VPS13C: variants seen among roughly 807,000 people sequenced by gnomAD.
VPS13C encodes vacuolar protein sorting 13 homolog C.
A neutral mutation model predicts 456.8 loss-of-function variants in VPS13C; 358 were observed. The ratio of observed to expected loss-of-function variants is 0.78; its 90% CI spans 0.72 to 0.86. The LOEUF is 0.86. Ranked by LOEUF, VPS13C falls within the 40% of genes least tolerant of loss-of-function variation. VPS13C has a pLI of 0.00. For missense variants in VPS13C, 4,818 were observed against 4,385.4 expected (o/e 1.10, Z -2.79); for synonymous variants, 1,578 against 1,486.7 (o/e 1.06, Z -1.41).
chr15:61,969,277 T>C (rs1346639875), intron 28 of VPS13C, 22 bp downstream of exon 28: 2 of 1,529,118 alleles, frequency 1.3e-6, no homozygotes, highest in African/African-American at 2.8e-5. Context: ...TAGGCTATTA[T>C]TTCTATTTTT....
intron 1 of VPS13C, among the ~76,000 whole-genome samples, chr15:62,048,102 TTTTTA>T (rs1391940494): frequency 1.3e-5 from 2 of 151,606 alleles, no homozygotes; most frequent in East Asian, 1.9e-4. Context: ...TCATTTTCTT[TTTTTA>T]TTTTATTATT....
Position 61,922,549 on chromosome 15 carries a change from T to G in VPS13C, c.6823A>C (p.Asn2275His). Residue 2275 changes from asparagine (N) to histidine (H), a missense_variant, in exon 54 of 85, where the codon AAT (asparagine) becomes CAT (histidine). By Grantham distance (68) the Asn-to-His change is moderately conservative. This residue lies in a region of VPS13C where 4,552 missense variants were observed against 4,130.6 expected (regional missense o/e 1.10). Transcript: ENST00000644861. Reference protein sequence around the residue: ...KGIEHSLIEENCGVVVESIQV... With the variant: ...KGIEHSLIEEHCGVVVESIQV... Reference sequence around the variant, plus strand: ...ATGGATTCTACAACAACACCACAATTTTCCTCTATCAGTGAATGTTCAATG... The same window carrying G: ...ATGGATTCTACAACAACACCACAATGTTCCTCTATCAGTGAATGTTCAATG... 1 of 1,614,072 alleles carries G rather than the reference T, an allele frequency of 6.2e-7. No homozygotes were observed. Among genetic ancestry groups the G allele is most frequent in the Non-Finnish European group, 8.5e-7 (1 of 1,179,960 alleles).
At chr15:62,016,485 T>C (rs1253074070) in intron 9 of VPS13C, among the ~76,000 whole-genome samples, 2 of 141,926 alleles carry the variant, frequency 1.4e-5, no homozygotes, top group Non-Finnish European at 3.0e-5. Flanking sequence ...AGTGTTCTCA[T>C]TGTTCAATTC....
At chr15:61,953,848 C>A (rs1450504426) in intron 38 of VPS13C, among the ~76,000 whole-genome samples, 1 of 152,142 alleles carries the variant, frequency 6.6e-6, no homozygotes, top group African/African-American at 2.4e-5. Flanking sequence ...GCACCCCAAG[C>A]TCCAATTAGT....
At chr15:61,922,114 G>C in intron 54 of VPS13C, 81 bp from the exon 55 acceptor site, 2 of 1,418,958 alleles carry the variant, frequency 1.4e-6, no homozygotes, top group Non-Finnish European at 2.0e-6. Flanking sequence ...AAATTATTAA[G>C]TAATCAATGT....
chr15:61,892,713 G>T (rs11634516), intron 66 of VPS13C, among the ~76,000 whole-genome samples: 85,365 of 152,016 alleles, frequency 0.56, 24,191 homozygotes, highest in Admixed American at 0.63. Flanking sequence ...GAATTCAAAG[G>T]AGCAATTCTA....
intron 81 of VPS13C, chr15:61,864,588 C>A: frequency 2.1e-6 from 2 of 970,038 alleles, no homozygotes; most frequent in Non-Finnish European, 2.5e-6. Context: ...AGAGAAATCA[C>A]ATTTGATATT....
At chr15:62,055,588 C>G (rs2048763860) in intron 1 of VPS13C, among the ~76,000 whole-genome samples, 1 of 151,828 alleles carries the variant, frequency 6.6e-6, no homozygotes, top group Non-Finnish European at 1.5e-5. Context: ...CCTATATATA[C>G]ATATATGAAT....
At chr15:62,046,356 T>C (rs1367398265) in intron 1 of VPS13C, among the ~76,000 whole-genome samples, 2 of 152,172 alleles carry the variant, frequency 1.3e-5, no homozygotes, top group Admixed American at 6.5e-5. Flanking sequence ...CATGGAAGAC[T>C]AGCATGTTCA....
chr15:61,918,192 C>T lies in VPS13C; in HGVS notation c.7704G>A (p.Glu2568=). 6.2e-7 allele frequency: 1 copy of T among 1,600,206 alleles called. No homozygotes were observed. Among genetic ancestry groups the T allele is most frequent in the South Asian group, 1.1e-5 (1 of 88,100 alleles). The change falls in exon 59 of 85, where the codon GAG becomes GAA. Residue 2568 remains glutamate, a synonymous_variant. Coordinates refer to ENST00000644861, the MANE Select transcript of VPS13C (RefSeq NM_020821.3). The part of the protein sequence containing the change: ...YKFVKNVKLL[E]RIGIARPEEE... ...CTTCAGGTCTGGCTATCCCAATGCG[C>T]TCCAATAGCTTAACATTCTTAACAA... is the stretch of plus-strand genomic sequence containing the variant.
At chr15:62,008,917 C>T (rs776584605) in intron 13 of VPS13C, among the ~76,000 whole-genome samples, 156 bp from the exon 14 acceptor site, 2 of 152,050 alleles carry the variant, frequency 1.3e-5, no homozygotes. Context: ...ATTTAAGATG[C>T]TATCAATTAC....
intron 30 of VPS13C, among the ~76,000 whole-genome samples, chr15:61,965,190 T>A (rs1024761010): frequency 1.3e-5 from 2 of 151,944 alleles, no homozygotes; most frequent in African/African-American, 4.8e-5. Context: ...CAATGGACAA[T>A]TATGATTATA....
intron 38 of VPS13C, among the ~76,000 whole-genome samples, chr15:61,953,816 A>C (rs2044888241): frequency 6.6e-6 from 1 of 152,076 alleles, no homozygotes; most frequent in African/African-American, 2.4e-5. Context: ...CAGTTTGCTT[A>C]AATGCCCCCT....
intron 66 of VPS13C, chr15:61,906,527 A>C (rs1475655513): frequency 6.6e-6 from 1 of 152,328 alleles, no homozygotes; most frequent in African/African-American, 2.4e-5. Flanking sequence ...TGAGGAGAGA[A>C]GAAATGAGGA....
At position 61,867,966 on chromosome 15, in the gene VPS13C, A is replaced by C; in HGVS notation, c.10863+693T>G. 1 of 1,501,122 alleles carries C rather than the reference A, an allele frequency of 6.7e-7. No homozygotes were observed. 93.0% of individuals were successfully genotyped at this position (1,501,122 alleles called of 1,614,324 possible). A position where few individuals can be genotyped will look rare whatever the true frequency, so the allele number is the denominator to read the frequency against. On this transcript the variant is annotated intron_variant, in intron 81 of 84. Coordinates refer to ENST00000644861, the MANE Select transcript of VPS13C (RefSeq NM_020821.3). The surrounding 1 kb of genome is among the most constrained non-coding windows in gnomAD (Gnocchi z 5.0). Reference sequence around the variant, plus strand: ...GTTCTTGCTGTGCAGGCAGAAAAACAAAGAAAATAAAGTTAGAAGCATGCA... The same window carrying C: ...GTTCTTGCTGTGCAGGCAGAAAAACCAAGAAAATAAAGTTAGAAGCATGCA...
rs777967938 is a variant in VPS13C at position 61,920,215 on chromosome 15, T to C, written c.7329A>G (p.Arg2443=). ...CACTTTTCTCAGGGAAGCCCATTAC[T>C]CTGAGATTACAATTGGGCTTCACCT... The part of the protein sequence containing the change: ...PIKVKPNCNL[R]VMGFPEKSDI... Residue 2443 remains arginine, a synonymous_variant, in exon 57 of 85, where the codon AGA becomes AGG. Transcript: ENST00000644861. 11 of 1,613,702 alleles carry C rather than the reference T, an allele frequency of 6.8e-6. No homozygotes were observed. The highest frequency in any genetic ancestry group is 1.7e-5 in the Admixed American group (1 of 60,004).
rs899399847 is a variant in VPS13C, at chr15:61,920,254, T to A, written c.7290A>T (p.Val2430=). 11 of 1,613,542 alleles carry A rather than the reference T, an allele frequency of 6.8e-6. No individual in the cohort carries two copies. The highest frequency in any genetic ancestry group is 9.3e-6 in the Non-Finnish European group (11 of 1,179,578). ...TGGGCTTCACCTTAATGGGAACACC[T>A]ACAGCATTTTTTACCGTAAAAGGAG... ...DRAPFTVKNA[V]GVPIKVKPNC... Residue 2430 remains valine, a synonymous_variant, in exon 57 of 85, where the codon GTA becomes GTT. Transcript: ENST00000644861.
intron 1 of VPS13C, among the ~76,000 whole-genome samples, chr15:62,055,385 GC>G (rs2048754041): frequency 6.7e-6 from 1 of 150,258 alleles, no homozygotes; most frequent in African/African-American, 2.5e-5. Context: ...CTGCCCCCAT[GC>G]CCGGCTAATT....
At chr15:61,954,973 A>G (rs772746357) in intron 37 of VPS13C, among the ~76,000 whole-genome samples, 1 of 152,160 alleles carries the variant, frequency 6.6e-6, no homozygotes, top group Non-Finnish European at 1.5e-5. Flanking sequence ...AACAGAATGG[A>G]GTTTGATATG....
Sources: allele counts gnomAD v4.1 joint callset (sites outside exome capture counted in the v4.1 genomes callset), GRCh38; gene constraint gnomAD v4.1.1; regional missense constraint gnomAD v4.1.1; non-coding constraint Gnocchi (gnomAD v3.1); transcripts MANE v1.5; gene names NCBI Gene and HGNC (gene_info 2026-07-23, HGNC 2026-07-21).